Variants in GOLGA2 observed in about 807,000 individuals in gnomAD.
GOLGA2 encodes the protein golgin subfamily A member 2.
GOLGA2 carries 49 observed loss-of-function variants against 148.8 expected under a neutral mutation model. The observed-to-expected ratio is 0.33, with a 90% CI of 0.26 to 0.42. GOLGA2 has a LOEUF of 0.42. GOLGA2 is among the 10% of genes least tolerant of loss of function. GOLGA2 has a pLI of 1.00. For missense variants in GOLGA2, 1,178 were observed against 1,304.6 expected (o/e 0.90, Z 1.49); for synonymous variants, 501 against 511.8 (o/e 0.98, Z 0.28).
intron 19 of GOLGA2, 106 bp from the exon 20 acceptor site, chr9:128,259,497 C>A: frequency 1.4e-6 from 1 of 697,256 alleles, no homozygotes; most frequent in South Asian, 1.9e-5. Context: ...CCTCTGGCCC[C>A]TTGCTCCAGG....
chr9:128,261,771 A>G lies in GOLGA2; in HGVS notation c.1135-14T>C, dbSNP rs538554304. 1.3e-6 allele frequency: 2 copies of G among 1,589,194 alleles called. No individual in the cohort carries two copies. Among genetic ancestry groups the G allele is most frequent in the East Asian group, 2.2e-5 (1 of 44,752 alleles). ...CCGGCTTGAAAACTGGATGGTGAAGAGCGAGAAGTTTAGATCTGGGGAGCC... is the reference window on the plus strand; with the variant it reads ...CCGGCTTGAAAACTGGATGGTGAAGGGCGAGAAGTTTAGATCTGGGGAGCC... On this transcript the variant is annotated splice_polypyrimidine_tract_variant and intron_variant, in intron 14 of 26. Coordinates refer to ENST00000611957, the MANE Select transcript of GOLGA2 (RefSeq NM_001366244.2). This position sits in a 1 kb window ranked among gnomAD's most constrained non-coding sequence, Gnocchi z 5.7.
rs139430481 is a variant in GOLGA2, at chr9:128,271,216, C to G, written c.288+1569G>C. On this transcript the variant is annotated intron_variant, in intron 3 of 26. Transcript: ENST00000611957. This position sits in a 1 kb window ranked among gnomAD's most constrained non-coding sequence, Gnocchi z 4.4. ...GCCAAATGCTTTTGGCTGCAGGTCA[C>G]CTCTAAGCCTGTGCTCCCCAGCCGT... Among the ~76,000 whole-genome samples, 537 of 152,274 alleles carry G rather than the reference C, an allele frequency of 3.5e-3. 5 individuals carry two copies. Among genetic ancestry groups the G allele is most frequent in the African/African-American group, 0.012 (490 of 41,540 alleles).
chr9:128,259,526 T>C lies in GOLGA2; in HGVS notation c.1873-135A>G, dbSNP rs1830124298. ...CTCCAGGCCTAAGTGACTGCCTCCCTTGTCTAGAGCCTCGTGCCTCCTTCC... is the reference window on the plus strand; with the variant it reads ...CTCCAGGCCTAAGTGACTGCCTCCCCTGTCTAGAGCCTCGTGCCTCCTTCC... On this transcript the variant is annotated intron_variant, in intron 19 of 26. Transcript: ENST00000611957. 10 of 618,150 alleles carry C rather than the reference T, an allele frequency of 1.6e-5. No individual in the cohort carries two copies. In the South Asian group the frequency reaches 1.8e-4, roughly 11 times the overall value. The allele number at this position is 618,150 out of a possible 1,614,324, so 38.3% of individuals were successfully genotyped here.
At chr9:128,270,883 T>A (rs2131381627) in intron 3 of GOLGA2, among the ~76,000 whole-genome samples, 1 of 150,842 alleles carries the variant, frequency 6.6e-6, no homozygotes, top group African/African-American at 2.4e-5. Flanking sequence ...CCATCTCTAT[T>A]AAAAATACAA....
chr9:128,265,825 G>A lies in GOLGA2; in HGVS notation c.789C>T (p.Ala263=), dbSNP rs1830561733. Residue 263 remains alanine (A), a synonymous_variant, in exon 11 of 27, where the codon GCC becomes GCT. Transcript: ENST00000611957. ...TGGCAGCATGCTGAGTGTGAGCCAGGGCTGTCTGTAACTCAGCTTTCTCTG... is the reference window on the plus strand; with the variant it reads ...TGGCAGCATGCTGAGTGTGAGCCAGAGCTGTCTGTAACTCAGCTTTCTCTG... ...LVSEKAELQT[A]LAHTQHAARQ... is the part of the protein sequence containing the mutation. 3 of 1,613,790 alleles carry A rather than the reference G, an allele frequency of 1.9e-6. No individual in the cohort carries two copies. Among genetic ancestry groups the A allele is most frequent in the African/African-American group, 2.7e-5 (2 of 74,904 alleles).
chr9:128,266,257 T>G lies in GOLGA2; in HGVS notation c.681+30A>C, dbSNP rs748018942. ...GAATGCCCCCCAAACCCAGCAGTCA[T>G]GTTGTGAGCAAACAAAGAAATCACG... On this transcript the variant is annotated intron_variant, in intron 9 of 26. Coordinates refer to ENST00000611957, the MANE Select transcript of GOLGA2 (RefSeq NM_001366244.2). This position sits in a 1 kb window ranked among gnomAD's most constrained non-coding sequence, Gnocchi z 4.2. The G allele has an allele frequency of 3.8e-6, 6 of 1,589,614 alleles. No individual in the cohort carries two copies. The African/African-American group carries it at 5.4e-5, about 14-fold the overall frequency.
rs1269027427 is a variant in GOLGA2 at position 128,261,225 on chromosome 9, A to G, written c.1367T>C (p.Met456Thr). ...HTLREEKECS[M>T]SRVQELETSL... ...CGTCTCCAGCTCCTGTACCCGACTC[A>G]TGCTACATTCCTTCTCCTCTCTCAA... Residue 456 changes from methionine to threonine, a missense_variant, in exon 17 of 27, where the codon ATG (methionine) becomes ACG (threonine). Met to Thr is a moderately conservative substitution (Grantham distance 81, BLOSUM62 -1). Transcript: ENST00000611957. This position sits in a 1 kb window ranked among gnomAD's most constrained non-coding sequence, Gnocchi z 5.7. 1 of 1,613,962 alleles carries G rather than the reference A, an allele frequency of 6.2e-7. No homozygotes were observed. Among genetic ancestry groups the G allele is most frequent in the Non-Finnish European group, 8.5e-7 (1 of 1,179,896 alleles).
Position 128,261,232 on chromosome 9 carries a change from A to G in GOLGA2, c.1360T>C (p.Cys454Arg). The G allele has an allele frequency of 6.2e-7, 1 of 1,613,792 alleles. No homozygotes were observed. Among genetic ancestry groups the G allele is most frequent in the South Asian group, 1.1e-5 (1 of 91,074 alleles). Reference sequence around the variant, plus strand: ...AGCTCCTGTACCCGACTCATGCTACATTCCTTCTCCTCTCTCAATGTGTGC... The same window carrying G: ...AGCTCCTGTACCCGACTCATGCTACGTTCCTTCTCCTCTCTCAATGTGTGC... ...QVHTLREEKE[C>R]SMSRVQELET... is the part of the protein sequence containing the mutation. Residue 454 changes from cysteine (C) to arginine (R), a missense_variant, in exon 17 of 27, where the codon TGT (cysteine) becomes CGT (arginine). Coordinates refer to ENST00000611957, the MANE Select transcript of GOLGA2 (RefSeq NM_001366244.2). The surrounding 1 kb of genome is among the most constrained non-coding windows in gnomAD (Gnocchi z 5.7).
chr9:128,258,144 G>A lies in GOLGA2; in HGVS notation c.2344C>T (p.Arg782Cys), dbSNP rs761852586. The A allele has an allele frequency of 2.8e-5, 45 of 1,607,006 alleles. No individual in the cohort carries two copies. The highest frequency in any genetic ancestry group is 6.7e-5 in the Admixed American group (4 of 59,614). ...ASAEEEQARL[R>C]GQLKEQRVRC... Reference sequence around the variant, plus strand: ...ACCCTTTGCTCCTTCAGCTGCCCACGTAGCCTTGCCTGCTCCTCCTCGGCA... The same window carrying A: ...ACCCTTTGCTCCTTCAGCTGCCCACATAGCCTTGCCTGCTCCTCCTCGGCA... The change falls in exon 23 of 27, where the codon CGT becomes TGT. Residue 782 changes from arginine to cysteine, a missense_variant. Transcript: ENST00000611957. This position sits in a 1 kb window ranked among gnomAD's most constrained non-coding sequence, Gnocchi z 6.6.
rs534276479 is a variant in GOLGA2 at position 128,272,803 on chromosome 9, G to A, written c.270C>T (p.Pro90=). ...DLNRSNGVAL[P]PLDKWKTPKD... is the part of the protein sequence containing the mutation. Reference sequence around the variant, plus strand: ...GCCTCACCTTCCACTTGTCCAATGGGGGGAGCGCTACCCCATTGGAACGGT... The same window carrying A: ...GCCTCACCTTCCACTTGTCCAATGGAGGGAGCGCTACCCCATTGGAACGGT... The change falls in exon 3 of 27, where the codon CCC becomes CCT. Residue 90 remains proline, a synonymous_variant. Coordinates refer to ENST00000611957, the MANE Select transcript of GOLGA2 (RefSeq NM_001366244.2). 1 of 1,269,854 alleles carries A rather than the reference G, an allele frequency of 7.9e-7. No individual in the cohort carries two copies. The highest frequency in any genetic ancestry group is 1.2e-5 in the South Asian group (1 of 80,196). The allele number at this position is 1,269,854 out of a possible 1,614,324, so 78.7% of individuals were successfully genotyped here.
chr9:128,260,430 G>C lies in GOLGA2; in HGVS notation c.1758+35C>G. 1 of 1,525,496 alleles carries C rather than the reference G, an allele frequency of 6.6e-7. No individual in the cohort carries two copies. Among genetic ancestry groups the C allele is most frequent in the Non-Finnish European group, 9.0e-7 (1 of 1,106,848 alleles). The allele number at this position is 1,525,496 out of a possible 1,614,324, so 94.5% of individuals were successfully genotyped here. A position where few individuals can be genotyped will look rare whatever the true frequency, so the allele number is the denominator to read the frequency against. On this transcript the variant is annotated intron_variant, in intron 18 of 26. Transcript: ENST00000611957. This position sits in a 1 kb window ranked among gnomAD's most constrained non-coding sequence, Gnocchi z 4.8. ...GGAAAACAAAGGTCTGGAGGGCTAGGGAGGAGGGCGGGCTCTCCAGGTGGG... is the reference window on the plus strand; with the variant it reads ...GGAAAACAAAGGTCTGGAGGGCTAGCGAGGAGGGCGGGCTCTCCAGGTGGG...
Position 128,257,160 on chromosome 9 carries a change from G to A in GOLGA2, c.2997C>T (p.Asn999=), listed in dbSNP as rs150141269. 3.7e-4 allele frequency: 603 copies of A among 1,614,132 alleles called. 2 individuals are homozygous for A. Among genetic ancestry groups the A allele is most frequent in the South Asian group, 1.3e-3 (114 of 91,082 alleles). ...QIMQLLREMQ[N]PRERPGLGSN... is the part of the protein sequence containing the mutation. ...TGCCCAAGCCTGGGCGCTCCCGGGGGTTCTGCATCTCACGAAGCAGCTGCA... is the reference window on the plus strand; with the variant it reads ...TGCCCAAGCCTGGGCGCTCCCGGGGATTCTGCATCTCACGAAGCAGCTGCA... Residue 999 remains asparagine (N), a synonymous_variant, in exon 27 of 27, where the codon AAC becomes AAT. Transcript: ENST00000611957. This position sits in a 1 kb window ranked among gnomAD's most constrained non-coding sequence, Gnocchi z 8.0.
Position 128,257,240 on chromosome 9 carries a change from G to C in GOLGA2, c.2917C>G (p.Gln973Glu), listed in dbSNP as rs1250087367. ...GGAGAACCCTCCCTGGCCTCTCCTT[G>C]GGCAGGCTCCACACTGCCGGCGAGG... ...VSLAGSVEPA[Q>E]GEAREGSPRD... The change falls in exon 27 of 27, where the codon CAA becomes GAA. Residue 973 changes from glutamine to glutamate, a missense_variant. Coordinates refer to ENST00000611957, the MANE Select transcript of GOLGA2 (RefSeq NM_001366244.2). This position sits in a 1 kb window ranked among gnomAD's most constrained non-coding sequence, Gnocchi z 8.0. The C allele has an allele frequency of 1.2e-6, 2 of 1,613,484 alleles. No individual in the cohort carries two copies. Among genetic ancestry groups the C allele is most frequent in the Non-Finnish European group, 1.7e-6 (2 of 1,179,894 alleles).
At position 128,261,738 on chromosome 9, in the gene GOLGA2, G is replaced by A. The variant is rs367989119; in HGVS notation, c.1154C>T (p.Ala385Val). ...LLQQFSSRCE[A>V]PDANQQLQQA... ...CTGTAACTGCTGGTTAGCATCAGGG[G>A]CTTCACACCGGCTTGAAAACTGGAT... Residue 385 changes from alanine to valine, a missense_variant, in exon 15 of 27, where the codon GCC becomes GTC. Ala to Val is a moderately conservative substitution (Grantham distance 64, BLOSUM62 0). Transcript: ENST00000611957. This position sits in a 1 kb window ranked among gnomAD's most constrained non-coding sequence, Gnocchi z 5.7. 70 of 1,612,418 alleles carry A rather than the reference G, an allele frequency of 4.3e-5. No homozygotes were observed. The highest frequency in any genetic ancestry group is 5.8e-5 in the Non-Finnish European group (68 of 1,178,422).
At chr9:128,275,825 T>C (rs919511695) in intron 1 of GOLGA2, 68 bp downstream of exon 1, 237 of 824,842 alleles carry the variant, frequency 2.9e-4, no homozygotes, top group Admixed American at 9.6e-4. Flanking sequence ...GCAGAGACTC[T>C]GGCCATGGTC....
rs768433525 is a variant in GOLGA2, at chr9:128,261,408, A to C, written c.1332+46T>G. The C allele has an allele frequency of 1.6e-6, 2 of 1,267,794 alleles. No individual in the cohort carries two copies. The highest frequency in any genetic ancestry group is 2.3e-6 in the Non-Finnish European group (2 of 863,954). The allele number at this position is 1,267,794 out of a possible 1,614,324, so 78.5% of individuals were successfully genotyped here. On this transcript the variant is annotated intron_variant, in intron 16 of 26. Coordinates refer to ENST00000611957, the MANE Select transcript of GOLGA2 (RefSeq NM_001366244.2). The surrounding 1 kb of genome is among the most constrained non-coding windows in gnomAD (Gnocchi z 5.7). ...ATTTCGCAGATGCCCAGAAAGATCAAGTGACCTATCTAAGGTTGAGGGGGA... is the reference window on the plus strand; with the variant it reads ...ATTTCGCAGATGCCCAGAAAGATCACGTGACCTATCTAAGGTTGAGGGGGA...
At chr9:128,268,276 A>G (rs1830719991) in intron 4 of GOLGA2, 116 bp from the exon 5 acceptor site, 3 of 1,165,094 alleles carry the variant, frequency 2.6e-6, no homozygotes, top group Non-Finnish European at 3.9e-6. Flanking sequence ...CCAGGCCTCA[A>G]GGAAAAAAGC....
In GOLGA2 at chr9:128,256,231, G is replaced by C. The variant is rs1474254223; in HGVS notation, c.*836C>G. 1 of 152,388 alleles carries C rather than the reference G, an allele frequency of 6.6e-6. No individual in the cohort carries two copies. Among genetic ancestry groups the C allele is most frequent in the East Asian group, 1.9e-4 (1 of 5,182 alleles). The allele number at this position is 152,388 out of a possible 1,614,324, so 9.4% of individuals were successfully genotyped here. On this transcript the variant is annotated 3_prime_UTR_variant, in exon 27 of 27. Transcript: ENST00000611957. ...AGGAGGCCATGAGGCCTCTTCCAAA[G>C]AGGCCAATTATATGAGCCTCTGGCT... is the stretch of plus-strand genomic sequence containing the variant.
At chr9:128,268,186 G>A (rs1830714806) in intron 4 of GOLGA2, 26 bp from the exon 5 acceptor site, 1 of 1,600,524 alleles carries the variant, frequency 6.2e-7, no homozygotes, top group Non-Finnish European at 8.6e-7. Flanking sequence ...CGTGTGAGAT[G>A]GTCATTCAAT....
Sources: gnomAD v4.1 joint callset for allele counts (sites outside exome capture counted in the v4.1 genomes callset) on GRCh38, gnomAD v4.1.1 for gene constraint, Gnocchi (gnomAD v3.1) non-coding constraint, MANE v1.5 for transcripts, NCBI Gene and HGNC (gene_info 2026-07-23, HGNC 2026-07-21) for gene names.